The following CACNB1 variants were observed in gnomAD, a reference collection of about 807,000 sequenced individuals.
CACNB1 encodes the protein calcium voltage-gated channel auxiliary subunit beta 1, also known as voltage-dependent L-type calcium channel subunit beta-1.
A neutral mutation model predicts 71.6 loss-of-function variants in CACNB1; 29 were observed. That is an observed-to-expected ratio of 0.40 (90% CI 0.30 to 0.55). The LOEUF (loss-of-function observed/expected upper bound fraction) is 0.55. CACNB1 is among the 20% of genes least tolerant of loss of function. CACNB1 has a pLI of 0.38. For synonymous variants in CACNB1, 300 were observed against 319.6 expected, an observed-to-expected ratio of 0.94 and a Z score of 0.65; for missense variants, 623 against 801.8, an observed-to-expected ratio of 0.78 and a Z score of 2.69.
In CACNB1 at chr17:39,186,445, C is replaced by T. The variant is rs751382835; in HGVS notation, c.628+51G>A. 5.7e-6 allele frequency: 8 copies of T among 1,408,906 alleles called. No homozygotes were observed. The East Asian group carries it at 1.6e-4, about 29-fold the overall frequency. The allele number at this position is 1,408,906 out of a possible 1,614,324, so 87.3% of individuals were successfully genotyped here. A position where few individuals can be genotyped will look rare whatever the true frequency, so the allele number is the denominator to read the frequency against. On this transcript the variant is annotated intron_variant, in intron 6 of 13. Transcript: ENST00000394303. The surrounding 1 kb of genome is among the most constrained non-coding windows in gnomAD (Gnocchi z 4.1). ...AGGAGGATTCAGGGAGTGGGGAGAC[C>T]ACCCCACCCAGGAGCTTCTTCCCAA...
intron 2 of CACNB1, 31 bp from the exon 3 acceptor site, chr17:39,191,624 T>C: frequency 6.2e-7 from 1 of 1,601,236 alleles, no homozygotes; most frequent in South Asian, 1.1e-5. Flanking sequence ...ATCAGGGCCA[T>C]TGCTGCCCCT....
Position 39,187,490 on chromosome 17 carries a change from G to T in CACNB1, c.403C>A (p.His135Asn). 7 of 1,614,004 alleles carry T rather than the reference G, an allele frequency of 4.3e-6. No individual in the cohort carries two copies. The highest frequency in any genetic ancestry group is 5.9e-6 in the Non-Finnish European group (7 of 1,179,968). Residue 135 changes from histidine to asparagine, a missense_variant, in exon 4 of 14, where the codon CAC becomes AAC. By Grantham distance (68) the His-to-Asn change is moderately conservative. Coordinates refer to ENST00000394303, the MANE Select transcript of CACNB1 (RefSeq NM_000723.5). ...CTCCAGATACCCACCTCCTTGATGT[G>T]CAGGAAGTCTTTGGGCTCGAAGGTG... ...AITFEPKDFL[H>N]IKEKYNNDWW...
intron 2 of CACNB1, 52 bp from the exon 3 acceptor site, chr17:39,191,645 G>T: frequency 1.3e-6 from 2 of 1,584,872 alleles, no homozygotes; most frequent in Non-Finnish European, 1.7e-6. Context: ...CCCAGCTCCT[G>T]GGCCTGGGAA....
At position 39,183,716 on chromosome 17, in the gene CACNB1, G is replaced by A; in HGVS notation, c.1047C>T (p.Pro349=). The part of the protein sequence containing the change: ...PIIVYIKITS[P]KVLQRLIKSR... ...AGGGTCAGGCTCCTGCACCCACCTT[G>A]GGAGAGGTGATCTTGATGTAAACAA... Residue 349 remains proline, a synonymous_variant, in exon 11 of 14, where the codon CCC becomes CCT. Coordinates refer to ENST00000394303, the MANE Select transcript of CACNB1 (RefSeq NM_000723.5). 1 of 1,598,784 alleles carries A rather than the reference G, an allele frequency of 6.3e-7. No homozygotes were observed. The highest frequency in any genetic ancestry group is 8.5e-7 in the Non-Finnish European group (1 of 1,172,136).
intron 4 of CACNB1, 189 bp from the exon 5 acceptor site, chr17:39,187,118 T>G: frequency 1.6e-6 from 1 of 641,100 alleles, no homozygotes. Flanking sequence ...AGGACCAGCA[T>G]GCTTTCTGGC....
intron 4 of CACNB1, 132 bp downstream of exon 4, chr17:39,187,347 G>A (rs1268168124): frequency 2.0e-6 from 2 of 989,526 alleles, no homozygotes; most frequent in African/African-American, 1.6e-5. Context: ...GCTCAGAGAG[G>A]TGGAGAGATT....
chr17:39,183,783 T>C lies in CACNB1; in HGVS notation c.980A>G (p.Asn327Ser), dbSNP rs745626676. The change falls in exon 11 of 14, where the codon AAT becomes AGT. Residue 327 changes from asparagine (N) to serine (S), a missense_variant. Transcript: ENST00000394303. ...QLVALDADTI[N>S]HPAQLSKTSL... is the part of the protein sequence containing the mutation. ...GGTCTTGGACAGCTGGGCTGGGTGA[T>C]TGATGGTGTCAGCATCCAGAGCGAC... The C allele has an allele frequency of 1.2e-6, 2 of 1,613,900 alleles. No individual in the cohort carries two copies. The highest frequency in any genetic ancestry group is 1.7e-6 in the Non-Finnish European group (2 of 1,179,984).
chr17:39,190,739 T>C (rs981598245), intron 3 of CACNB1, among the ~76,000 whole-genome samples: 1 of 151,612 alleles, frequency 6.6e-6, no homozygotes, highest in Non-Finnish European at 1.5e-5. Context: ...AAAATTAAAT[T>C]AAAAAAAACA....
intron 11 of CACNB1, 106 bp from the exon 12 acceptor site, chr17:39,178,185 G>T: frequency 1.2e-6 from 1 of 816,364 alleles, no homozygotes; most frequent in Admixed American, 1.8e-5. Context: ...CCAGTGTCAA[G>T]ACCCTTGAAT....
intron 11 of CACNB1, among the ~76,000 whole-genome samples, chr17:39,181,693 C>T (rs1428573090): frequency 6.6e-6 from 1 of 152,168 alleles, no homozygotes; most frequent in Non-Finnish European, 1.5e-5. Context: ...CCCATCATCC[C>T]CTTTATCTCA....
Position 39,177,339 on chromosome 17 carries a change from A to G in CACNB1, c.1332+11T>C. The G allele has an allele frequency of 6.2e-7, 1 of 1,612,830 alleles. No homozygotes were observed. The highest frequency in any genetic ancestry group is 8.5e-7 in the Non-Finnish European group (1 of 1,179,536). ...GCCGAGGTTTCTCCTGAGCGAGGTGAGCACCTGTACCTGGAGGTTGGAGAC... is the reference window on the plus strand; with the variant it reads ...GCCGAGGTTTCTCCTGAGCGAGGTGGGCACCTGTACCTGGAGGTTGGAGAC... On this transcript the variant is annotated intron_variant, in intron 13 of 13. Transcript: ENST00000394303.
chr17:39,188,210 G>A (rs190849737), intron 3 of CACNB1, among the ~76,000 whole-genome samples: 74 of 152,070 alleles, frequency 4.9e-4, no homozygotes, highest in African/African-American at 1.6e-3. Flanking sequence ...TTGAATTCAG[G>A]AGGCAGAAGT....
chr17:39,183,697 A>G lies in CACNB1; in HGVS notation c.1050+16T>C. 1 of 1,570,784 alleles carries G rather than the reference A, an allele frequency of 6.4e-7. No individual in the cohort carries two copies. Among genetic ancestry groups the G allele is most frequent in the Non-Finnish European group, 8.7e-7 (1 of 1,155,096 alleles). ...AAACCACGCTGTCCTGGCCAGGGTCAGGCTCCTGCACCCACCTTGGGAGAG... is the reference window on the plus strand; with the variant it reads ...AAACCACGCTGTCCTGGCCAGGGTCGGGCTCCTGCACCCACCTTGGGAGAG... On this transcript the variant is annotated intron_variant, in intron 11 of 13. Coordinates refer to ENST00000394303, the MANE Select transcript of CACNB1 (RefSeq NM_000723.5).
intron 3 of CACNB1, among the ~76,000 whole-genome samples, chr17:39,187,881 T>C (rs566869174): frequency 1.3e-5 from 2 of 151,788 alleles, no homozygotes; most frequent in Non-Finnish European, 2.9e-5. Context: ...GGCGTGGTGG[T>C]GGGTGCCTAT....
At position 39,175,863 on chromosome 17, in the gene CACNB1, G is replaced by C. The variant is rs1246645368; in HGVS notation, c.1333-206C>G. 2.0e-5 allele frequency among the ~76,000 whole-genome samples: 3 copies of C among 152,138 alleles called. No individual in the cohort carries two copies. Among genetic ancestry groups the C allele is most frequent in the Non-Finnish European group, 4.4e-5 (3 of 68,014 alleles). On this transcript the variant is annotated intron_variant, in intron 13 of 13. Transcript: ENST00000394303. This position sits in a 1 kb window ranked among gnomAD's most constrained non-coding sequence, Gnocchi z 4.7. Reference sequence around the variant, plus strand: ...GGCATTTGCTCCTCTCTCGGGACAGGGGGCACCCGACCTTCAACAGATGTG... The same window carrying C: ...GGCATTTGCTCCTCTCTCGGGACAGCGGGCACCCGACCTTCAACAGATGTG...
chr17:39,179,092 G>C (rs1025004919), intron 11 of CACNB1, among the ~76,000 whole-genome samples: 1 of 151,794 alleles, frequency 6.6e-6, no homozygotes, highest in Admixed American at 6.6e-5. Flanking sequence ...AGGAGATCGA[G>C]ACCATCCTGG....
intron 11 of CACNB1, chr17:39,178,397 TTA>T (rs1567792539): frequency 4.7e-5 from 10 of 212,840 alleles, no homozygotes; most frequent in South Asian, 1.5e-4. Flanking sequence ...TTTTTTTTTT[TTA>T]AATTTTAGAG....
Position 39,194,563 on chromosome 17 carries a change from A to G in CACNB1, c.171+321T>C, listed in dbSNP as rs1400911435. Among the ~76,000 whole-genome samples the G allele has an allele frequency of 6.6e-6, 1 of 151,936 alleles. No homozygotes were observed. Among genetic ancestry groups the G allele is most frequent in the African/African-American group, 2.4e-5 (1 of 41,360 alleles). On this transcript the variant is annotated intron_variant, in intron 2 of 13. Coordinates refer to ENST00000394303, the MANE Select transcript of CACNB1 (RefSeq NM_000723.5). This position sits in a 1 kb window ranked among gnomAD's most constrained non-coding sequence, Gnocchi z 4.6. ...GAGGACATGGAAGCAGACAGCCGGC[A>G]GGGGGAGTGGGTGACAGCCCGAAGC...
chr17:39,179,728 G>A (rs1442901537), intron 11 of CACNB1, among the ~76,000 whole-genome samples: 3 of 151,886 alleles, frequency 2.0e-5, no homozygotes, highest in African/African-American at 4.8e-5. Flanking sequence ...GTGAAACCCT[G>A]TCTTTATTAA....
Sources: allele counts gnomAD v4.1 joint callset (sites outside exome capture counted in the v4.1 genomes callset), GRCh38; gene constraint gnomAD v4.1.1; non-coding constraint Gnocchi (gnomAD v3.1); transcripts MANE v1.5; gene names NCBI Gene and HGNC (gene_info 2026-07-23, HGNC 2026-07-21).